The following LRBA variants were observed in gnomAD, a reference collection of about 807,000 sequenced individuals.
LRBA encodes the protein lipopolysaccharide-responsive and beige-like anchor protein.
In LRBA, 176 loss-of-function variants were observed where a neutral mutation model predicts 330.0. The ratio of observed to expected loss-of-function variants is 0.53; its 90% CI spans 0.47 to 0.60. The LOEUF (loss-of-function observed/expected upper bound fraction) is 0.60. LRBA is among the 20% of genes least tolerant of loss of function. The pLI is 0.00. For synonymous variants in LRBA, 1,230 were observed against 1,193.0 expected (o/e 1.03, Z -0.64); for missense variants, 3,259 against 3,444.8 (o/e 0.95, Z 1.35).
At chr4:150,711,429 G>C (rs1266526668) in intron 36 of LRBA, among the ~76,000 whole-genome samples, 1 of 151,640 alleles carries the variant, frequency 6.6e-6, no homozygotes, top group African/African-American at 2.4e-5. Flanking sequence ...GTAGAGAAGG[G>C]GTTTCACCAT....
At chr4:150,838,390 C>CAGCTTGGTA (rs1748500647) in intron 28 of LRBA, among the ~76,000 whole-genome samples, 1 of 152,166 alleles carries the variant, frequency 6.6e-6, no homozygotes, top group Admixed American at 6.5e-5. Flanking sequence ...GAGTGTTTTC[C>CAGCTTGGTA]AGCTTGGTAC....
At chr4:150,542,011 A>G (rs771411797) in intron 40 of LRBA, among the ~76,000 whole-genome samples, 20 of 152,216 alleles carry the variant, frequency 1.3e-4, no homozygotes, top group Non-Finnish European at 2.5e-4. Context: ...TATTTACTGC[A>G]TATATTGCAT....
In LRBA at chr4:150,435,724, T is replaced by A; in HGVS notation, c.6922-16A>T. The A allele has an allele frequency of 1.3e-6, 2 of 1,587,334 alleles. No individual in the cohort carries two copies. The highest frequency in any genetic ancestry group is 1.9e-5 in the Admixed American group (1 of 53,300). Reference sequence around the variant, plus strand: ...TAAAGGGTTCCTAAAAAATAGCAATTAAAAAAATCCATATGTTCCCTCAGG... The same window carrying A: ...TAAAGGGTTCCTAAAAAATAGCAATAAAAAAAATCCATATGTTCCCTCAGG... On this transcript the variant is annotated splice_polypyrimidine_tract_variant and intron_variant, in intron 45 of 56. Transcript: ENST00000651943.
intron 34 of LRBA, among the ~76,000 whole-genome samples, chr4:150,775,899 G>A (rs889279612): frequency 1.3e-5 from 2 of 148,824 alleles, no homozygotes; most frequent in South Asian, 4.3e-4. Context: ...AGAAGAAGGA[G>A]CAGAGAAGAG....
At chr4:150,743,131 G>C (rs965712798) in intron 35 of LRBA, among the ~76,000 whole-genome samples, 1 of 151,908 alleles carries the variant, frequency 6.6e-6, no homozygotes, top group African/African-American at 2.4e-5. Context: ...CACCACCCCC[G>C]GCTAATTTTT....
intron 37 of LRBA, among the ~76,000 whole-genome samples, chr4:150,656,969 T>C (rs1780252334): frequency 6.6e-6 from 1 of 152,194 alleles, no homozygotes; most frequent in Admixed American, 6.5e-5. Flanking sequence ...GTAACATATA[T>C]AAGCCAAATG....
At chr4:150,638,591 C>A (rs904458355) in intron 37 of LRBA, among the ~76,000 whole-genome samples, 1 of 151,576 alleles carries the variant, frequency 6.6e-6, no homozygotes, top group Non-Finnish European at 1.5e-5. Flanking sequence ...AGCCAAAAAA[C>A]ACATGAAAAA....
rs77526014 is a variant in LRBA, at chr4:150,490,581, T to C, written c.6448+337A>G. On this transcript the variant is annotated intron_variant, in intron 41 of 56. Coordinates refer to ENST00000651943, the MANE Select transcript of LRBA (RefSeq NM_001364905.1). Reference sequence around the variant, plus strand: ...GTTATTGTCCTCTCCTCTCCCCAAATGCAGCCACCTTCCAGAAGGAATTAA... The same window carrying C: ...GTTATTGTCCTCTCCTCTCCCCAAACGCAGCCACCTTCCAGAAGGAATTAA... 5.8e-3 allele frequency among the ~76,000 whole-genome samples: 883 copies of C among 151,972 alleles called. 7 individuals are homozygous for C. Among genetic ancestry groups the C allele is most frequent in the African/African-American group, 0.021 (857 of 41,540 alleles).
intron 35 of LRBA, among the ~76,000 whole-genome samples, chr4:150,739,170 G>A (rs552469178): frequency 1.2e-4 from 18 of 152,186 alleles, no homozygotes; most frequent in African/African-American, 3.9e-4. Context: ...AAATGAACTA[G>A]AGATACAGAA....
rs183228658 is a variant in LRBA at position 150,981,780 on chromosome 4, G to A, written c.216+32647C>T. On this transcript the variant is annotated intron_variant, in intron 2 of 56. Coordinates refer to ENST00000651943, the MANE Select transcript of LRBA (RefSeq NM_001364905.1). ...TCAAGACCATCCTGGCTAACACGGC[G>A]AAACCCTGTGTCTACTAAAAATACA... 6.2e-3 allele frequency among the ~76,000 whole-genome samples: 946 copies of A among 152,008 alleles called. 11 individuals carry two copies. Among genetic ancestry groups the A allele is most frequent in the African/African-American group, 0.022 (895 of 41,438 alleles).
rs1182602957 is a variant in LRBA at position 150,851,868 on chromosome 4, A to G, written c.3825+17T>C. On this transcript the variant is annotated intron_variant, in intron 23 of 56. Transcript: ENST00000651943. Reference sequence around the variant, plus strand: ...CTCAGTGCAAAAGTACTTGAATAAGACAATATATAAAATCACCTCAAGCAC... The same window carrying G: ...CTCAGTGCAAAAGTACTTGAATAAGGCAATATATAAAATCACCTCAAGCAC... 1.3e-6 allele frequency: 2 copies of G among 1,580,388 alleles called. No individual in the cohort carries two copies. Among genetic ancestry groups the G allele is most frequent in the Non-Finnish European group, 1.7e-6 (2 of 1,164,572 alleles).
rs1738105052 is a variant in LRBA, at chr4:150,961,190, G to C, written c.217-32125C>G. Among the ~76,000 whole-genome samples, 3 of 149,196 alleles carry C rather than the reference G, an allele frequency of 2.0e-5. No individual in the cohort carries two copies. In the South Asian group the frequency reaches 6.2e-4, roughly 31 times the overall value. On this transcript the variant is annotated intron_variant, in intron 2 of 56. Coordinates refer to ENST00000651943, the MANE Select transcript of LRBA (RefSeq NM_001364905.1). ...TCACCAACCACTGCCTTGGTTTTGA[G>C]GGTCAAACCCAGGCTCAAACAGGTG... is the stretch of plus-strand genomic sequence containing the variant.
At chr4:150,827,260 T>A (rs1423073945) in intron 30 of LRBA, among the ~76,000 whole-genome samples, 1 of 152,156 alleles carries the variant, frequency 6.6e-6, no homozygotes, top group Non-Finnish European at 1.5e-5. Context: ...TTTATGACAT[T>A]CACCCTTCTA....
chr4:150,972,478 A>C (rs1739688932), intron 2 of LRBA, among the ~76,000 whole-genome samples: 1 of 152,206 alleles, frequency 6.6e-6, no homozygotes, highest in Non-Finnish European at 1.5e-5. Flanking sequence ...CATAGTGACT[A>C]ACAGATTTTC....
chr4:150,800,441 A>G (rs1741438729), intron 33 of LRBA, among the ~76,000 whole-genome samples: 1 of 152,182 alleles, frequency 6.6e-6, no homozygotes, highest in East Asian at 1.9e-4. Context: ...TAGCCCCAAT[A>G]AGGAACTTAA....
Position 150,282,510 on chromosome 4 carries a change from G to C in LRBA, c.8256C>G (p.Phe2752Leu), listed in dbSNP as rs773001726. The change falls in exon 55 of 57, where the codon TTC becomes TTG. Residue 2752 changes from phenylalanine to leucine, a missense_variant. Coordinates refer to ENST00000651943, the MANE Select transcript of LRBA (RefSeq NM_001364905.1). ...GTTTTCCATTCACACTGAATGTACA[G>C]AAGAGGCCGTTTTCATAGAATATGA... is the stretch of plus-strand genomic sequence containing the variant. The part of the protein sequence containing the change: ...HCVIFYENGL[F>L]CTFSVNGKLQ... The C allele has an allele frequency of 6.2e-7, 1 of 1,614,152 alleles. No homozygotes were observed. Among genetic ancestry groups the C allele is most frequent in the Non-Finnish European group, 8.5e-7 (1 of 1,180,002 alleles).
intron 47 of LRBA, among the ~76,000 whole-genome samples, chr4:150,398,797 T>G (rs1745092321): frequency 6.6e-6 from 1 of 152,110 alleles, no homozygotes; most frequent in African/African-American, 2.4e-5. Context: ...TAGATAAGTT[T>G]TTTTGTTTTT....
chr4:150,821,361 T>C (rs1458950758), intron 30 of LRBA, among the ~76,000 whole-genome samples: 1 of 152,138 alleles, frequency 6.6e-6, no homozygotes, highest in African/African-American at 2.4e-5. Context: ...ATACACAAAT[T>C]ATCATATTTA....
At chr4:150,286,663 A>C (rs1351377652) in intron 53 of LRBA, among the ~76,000 whole-genome samples, 1 of 152,196 alleles carries the variant, frequency 6.6e-6, no homozygotes, top group African/African-American at 2.4e-5. Flanking sequence ...ATAAGTCTAC[A>C]GATAGTGATT....
Sources: allele counts gnomAD v4.1 joint callset (sites outside exome capture counted in the v4.1 genomes callset), GRCh38; gene constraint gnomAD v4.1.1; transcripts MANE v1.5; gene names NCBI Gene and HGNC (gene_info 2026-07-23, HGNC 2026-07-21).